LRBA: variants seen among roughly 807,000 people sequenced by gnomAD.
LRBA encodes the protein lipopolysaccharide-responsive and beige-like anchor protein.
Under a neutral mutation model 330.0 loss-of-function variants are expected in LRBA, and 176 were observed. That is an observed-to-expected ratio of 0.53 (90% CI 0.47 to 0.60). The LOEUF (loss-of-function observed/expected upper bound fraction) is 0.60, where lower values mean the gene tolerates loss of function less well. Among genes scored for constraint, LRBA ranks in the 20% least tolerant of loss-of-function variants. The pLI is 0.00. For missense variants in LRBA, 3,259 were observed against 3,444.8 expected (o/e 0.95, Z 1.35); for synonymous variants, 1,230 against 1,193.0 (o/e 1.03, Z -0.64).
intron 46 of LRBA, among the ~76,000 whole-genome samples, chr4:150,416,363 G>A (rs932884566): frequency 6.6e-6 from 1 of 152,172 alleles, no homozygotes; most frequent in Non-Finnish European, 1.5e-5. Context: ...GCAATGGCAG[G>A]CCCGGCTTTC....
intron 40 of LRBA, among the ~76,000 whole-genome samples, chr4:150,553,816 C>T (rs143704739): frequency 6.6e-6 from 1 of 152,212 alleles, no homozygotes; most frequent in East Asian, 1.9e-4. Context: ...CATAGAATGG[C>T]AAGCCACCGG....
Position 150,754,767 on chromosome 4 carries a change from TA to T in LRBA, c.5645+7015del, listed in dbSNP as rs563404450. Among the ~76,000 whole-genome samples, 22 of 152,082 alleles carry T rather than the reference TA, an allele frequency of 1.4e-4. No homozygotes were observed. The South Asian group carries it at 4.4e-3, about 30-fold the overall frequency. On this transcript the variant is annotated intron_variant, in intron 35 of 56. Transcript: ENST00000651943. ...CTCTTAAAAGAAAAAAAAATTACAA[TA>T]AAAAAATTTAATTGGAGTTTTTCTA...
chr4:150,919,462 C>A (rs950781122), intron 5 of LRBA, among the ~76,000 whole-genome samples: 3 of 152,084 alleles, frequency 2.0e-5, no homozygotes, highest in Admixed American at 1.3e-4. Flanking sequence ...TACATATATT[C>A]TTTTATATGT....
chr4:150,589,055 A>ACACG (rs1381418836), intron 39 of LRBA, among the ~76,000 whole-genome samples: 2 of 151,024 alleles, frequency 1.3e-5, no homozygotes, highest in Admixed American at 6.6e-5. Flanking sequence ...ACACACACAC[A>ACACG]CACACACACA....
At chr4:150,439,448 A>T (rs905346094) in intron 44 of LRBA, among the ~76,000 whole-genome samples, 1 of 152,088 alleles carries the variant, frequency 6.6e-6, no homozygotes, top group Admixed American at 6.6e-5. Context: ...AGCTATCAAG[A>T]CATACCACGT....
chr4:150,520,139 T>A (rs1010495830), intron 40 of LRBA, among the ~76,000 whole-genome samples: 1 of 152,348 alleles, frequency 6.6e-6, no homozygotes, highest in Non-Finnish European at 1.5e-5. Flanking sequence ...ATTTTGTTAA[T>A]AATCTAATAT....
chr4:151,008,637 A>G (rs1052364948), intron 2 of LRBA, among the ~76,000 whole-genome samples: 16 of 151,942 alleles, frequency 1.1e-4, no homozygotes, highest in African/African-American at 3.6e-4. Context: ...GTTCAAACTC[A>G]TGTTATTCAA....
chr4:150,329,895 A>T (rs1383646955), intron 48 of LRBA, among the ~76,000 whole-genome samples: 3 of 152,166 alleles, frequency 2.0e-5, no homozygotes, highest in African/African-American at 4.8e-5. Flanking sequence ...TATCACATTC[A>T]TCACTCCTTT....
intron 23 of LRBA, among the ~76,000 whole-genome samples, chr4:150,851,657 T>C (rs898824618): frequency 6.6e-6 from 1 of 152,236 alleles, no homozygotes; most frequent in Non-Finnish European, 1.5e-5. Context: ...TGGTAACTTC[T>C]GGTGATACTA....
In LRBA at chr4:150,697,325, G is replaced by GAAAGAAAAAAAAAAAAAA. The variant is rs373474421; in HGVS notation, c.5755-13609_5755-13608insTTTTTTTTTTTTTTCTTT. On this transcript the variant is annotated intron_variant, in intron 36 of 56. Coordinates refer to ENST00000651943, the MANE Select transcript of LRBA (RefSeq NM_001364905.1). Reference sequence around the variant, plus strand: ...GGTGACAGAGTGAGACTTTGTCTCAGAAAAAAAAAAAAAAAAAAAAAAAAA... The same window carrying GAAAGAAAAAAAAAAAAAA: ...GGTGACAGAGTGAGACTTTGTCTCAGAAAGAAAAAAAAAAAAAAAAAAAAAAAAAAAAAAAAAAAAAAA... Among the ~76,000 whole-genome samples, 16 of 28,034 alleles carry GAAAGAAAAAAAAAAAAAA rather than the reference G, an allele frequency of 5.7e-4. 2 individuals carry two copies. The highest frequency in any genetic ancestry group is 2.1e-3 in the African/African-American group (16 of 7,584). 18.4% of individuals were successfully genotyped at this position (28,034 alleles called of 152,430 possible).
chr4:150,511,780 C>T (rs572246422), intron 40 of LRBA, among the ~76,000 whole-genome samples: 54 of 152,322 alleles, frequency 3.5e-4, no homozygotes, highest in South Asian at 8.3e-4. Flanking sequence ...GGTTAGATGA[C>T]GCAGTCAAAA....
At chr4:150,559,618 T>C (rs1297546372) in intron 40 of LRBA, among the ~76,000 whole-genome samples, 1 of 97,222 alleles carries the variant, frequency 1.0e-5, no homozygotes, top group East Asian at 2.8e-4. Context: ...TTATATATTG[T>C]ATTATTTTAT....
intron 40 of LRBA, chr4:150,579,244 C>T: frequency 4.4e-6 from 2 of 456,598 alleles, no homozygotes; most frequent in Non-Finnish European, 4.4e-6. Context: ...GTGACAGGGG[C>T]TCTTCAATTA....
intron 40 of LRBA, among the ~76,000 whole-genome samples, chr4:150,493,098 G>A (rs763593109): frequency 1.3e-4 from 20 of 152,104 alleles, no homozygotes; most frequent in Non-Finnish European, 2.2e-4. Context: ...CTCCCATCTC[G>A]GCCTCTTGAG....
intron 47 of LRBA, among the ~76,000 whole-genome samples, chr4:150,352,162 G>C (rs1455508181): frequency 6.6e-6 from 1 of 152,066 alleles, no homozygotes; most frequent in Non-Finnish European, 1.5e-5. Context: ...TTTCAGTATG[G>C]CTTGCTGCTA....
intron 40 of LRBA, among the ~76,000 whole-genome samples, chr4:150,511,288 T>C (rs1354999430): frequency 6.6e-6 from 1 of 152,220 alleles, no homozygotes; most frequent in African/African-American, 2.4e-5. Flanking sequence ...AACTTAGTTA[T>C]GCTAAATACT....
intron 2 of LRBA, among the ~76,000 whole-genome samples, chr4:150,973,972 G>A (rs934624266): frequency 6.6e-6 from 1 of 152,140 alleles, no homozygotes; most frequent in Non-Finnish European, 1.5e-5. Flanking sequence ...AATATAAGAC[G>A]CACTCGCTGA....
intron 40 of LRBA, among the ~76,000 whole-genome samples, chr4:150,534,481 T>C (rs1764425285): frequency 6.6e-6 from 1 of 151,902 alleles, no homozygotes; most frequent in South Asian, 2.1e-4. Context: ...GTGGAAAGTT[T>C]TTAAGATACT....
chr4:150,416,366 C>G (rs1033530088), intron 46 of LRBA, among the ~76,000 whole-genome samples: 2 of 152,136 alleles, frequency 1.3e-5, no homozygotes, highest in Non-Finnish European at 2.9e-5. Context: ...ATGGCAGGCC[C>G]GGCTTTCCAA....
Sources: gnomAD v4.1 joint callset for allele counts (sites outside exome capture counted in the v4.1 genomes callset) on GRCh38, gnomAD v4.1.1 for gene constraint, MANE v1.5 for transcripts, NCBI Gene and HGNC (gene_info 2026-07-23, HGNC 2026-07-21) for gene names.